Variants in POLA1 observed in about 807,000 individuals in gnomAD.
The protein encoded by POLA1 is DNA polymerase alpha 1, catalytic subunit.
In POLA1, 15 loss-of-function variants were observed where a neutral mutation model predicts 124.0. That is an observed-to-expected ratio of 0.12 (90% CI 0.08 to 0.19). POLA1 has a LOEUF of 0.19. Ranked by LOEUF, POLA1 falls within the 10% of genes least tolerant of loss-of-function variation. The pLI, the probability that POLA1 is intolerant of heterozygous loss-of-function variation, is 1.00. For synonymous variants in POLA1, 408 were observed against 389.4 expected, an observed-to-expected ratio of 1.05 and a Z score of -0.56; for missense variants, 886 against 1,103.4, an observed-to-expected ratio of 0.80 and a Z score of 2.79.
chrX:24,752,732 G>T (rs1466632711), intron 26 of POLA1, among the ~76,000 whole-genome samples: 10 of 111,884 alleles, frequency 8.9e-5, no homozygotes, highest in African/African-American at 3.2e-4. Context: ...AACTATTAAA[G>T]AAAAGCTAAA....
intron 26 of POLA1, among the ~76,000 whole-genome samples, chrX:24,805,368 G>A (rs1461014525): frequency 8.9e-6 from 1 of 111,905 alleles, no homozygotes; most frequent in Non-Finnish European, 1.9e-5. Flanking sequence ...CTGCTGCATT[G>A]CAAGAGAGCC....
At chrX:24,697,064 C>T (rs887747709) in intron 1 of POLA1, among the ~76,000 whole-genome samples, 1 of 111,476 alleles carries the variant, frequency 9.0e-6, no homozygotes, top group Middle Eastern at 4.6e-3. Context: ...TTCCTCAGTA[C>T]TGAGTTCTTA....
At chrX:24,734,020 A>G (rs1184024431) in intron 17 of POLA1, 6 of 301,053 alleles carry the variant, frequency 2.0e-5, no homozygotes, top group Non-Finnish European at 3.0e-5. Context: ...CTACCTGAAA[A>G]TAATGGGATT....
chrX:24,896,972 G>A (rs1397334409), intron 35 of POLA1, among the ~76,000 whole-genome samples: 1 of 111,966 alleles, frequency 8.9e-6, no homozygotes, highest in Non-Finnish European at 1.9e-5. Flanking sequence ...GTGCATTTGG[G>A]AGCTGTGTTG....
intron 36 of POLA1, among the ~76,000 whole-genome samples, chrX:24,960,138 C>A (rs1010171565): frequency 1.8e-5 from 2 of 111,639 alleles, no homozygotes; most frequent in African/African-American, 6.5e-5. Flanking sequence ...CAGCTTCCAA[C>A]TCCTGATCTA....
At chrX:24,781,165 T>G (rs1369902213) in intron 26 of POLA1, among the ~76,000 whole-genome samples, 1 of 111,745 alleles carries the variant, frequency 8.9e-6, no homozygotes, top group African/African-American at 3.3e-5. Context: ...AATTTGTGTC[T>G]TTTCTTTTTT....
chrX:24,707,261 T>C (rs1312361207), intron 4 of POLA1, among the ~76,000 whole-genome samples: 1 of 111,933 alleles, frequency 8.9e-6, no homozygotes, highest in African/African-American at 3.3e-5. Flanking sequence ...TGGACTTGAG[T>C]TTTTGTCAGC....
intron 35 of POLA1, among the ~76,000 whole-genome samples, chrX:24,923,075 A>G (rs1048593997): frequency 9.0e-6 from 1 of 111,496 alleles, no homozygotes; most frequent in African/African-American, 3.3e-5. Context: ...CCCATGGCCA[A>G]TATTTGGATA....
chrX:24,949,142 A>G (rs995265679), intron 36 of POLA1, among the ~76,000 whole-genome samples: 9 of 112,153 alleles, frequency 8.0e-5, no homozygotes, highest in Non-Finnish European at 1.7e-4. Flanking sequence ...CCACATGGGA[A>G]GAAGTATAGC....
At chrX:24,974,048 A>G (rs1414314951) in intron 36 of POLA1, among the ~76,000 whole-genome samples, 2 of 109,221 alleles carry the variant, frequency 1.8e-5, no homozygotes, top group African/African-American at 6.9e-5. Context: ...TCACTTATCA[A>G]TTAAATGACA....
chrX:24,748,723 CAGG>C, intron 25 of POLA1, 144 bp from the exon 26 acceptor site: 1 of 622,731 alleles, frequency 1.6e-6, no homozygotes, highest in Non-Finnish European at 2.4e-6. Context: ...ATCATGGATC[CAGG>C]AGAATGGGTT....
intron 35 of POLA1, among the ~76,000 whole-genome samples, chrX:24,891,954 T>C (rs1207469354): frequency 2.7e-5 from 3 of 111,353 alleles, no homozygotes; most frequent in Non-Finnish European, 5.6e-5. Flanking sequence ...GCCAGTCTTA[T>C]CTGCACATAA....
At chrX:24,921,903 T>G (rs1204552465) in intron 35 of POLA1, among the ~76,000 whole-genome samples, 2 of 110,703 alleles carry the variant, frequency 1.8e-5, no homozygotes, top group Non-Finnish European at 3.8e-5. Flanking sequence ...TGTGTGTGTG[T>G]GTGTGATGGG....
intron 36 of POLA1, among the ~76,000 whole-genome samples, chrX:24,978,507 T>C (rs1406984640): frequency 1.8e-5 from 2 of 112,152 alleles, no homozygotes; most frequent in East Asian, 5.6e-4. Context: ...AGTTTGCCAA[T>C]AGTAATAATT....
At chrX:24,974,627 G>T (rs1272223954) in intron 36 of POLA1, among the ~76,000 whole-genome samples, 1 of 102,810 alleles carries the variant, frequency 9.7e-6, no homozygotes, top group African/African-American at 3.6e-5. Flanking sequence ...CACAGGAATG[G>T]GAACATCACA....
chrX:24,857,810 G>C (rs970258975), intron 34 of POLA1, among the ~76,000 whole-genome samples: 1 of 111,011 alleles, frequency 9.0e-6, no homozygotes, highest in Non-Finnish European at 1.9e-5. Flanking sequence ...CTTTTGTATT[G>C]TAATTTTACT....
chrX:24,927,621 G>C (rs2047714436), intron 35 of POLA1, among the ~76,000 whole-genome samples: 2 of 112,271 alleles, frequency 1.8e-5, no homozygotes, highest in African/African-American at 6.5e-5. Context: ...GGTACATGAT[G>C]TTCTAACTAT....
chrX:24,899,996 C>T (rs1357559564), intron 35 of POLA1, among the ~76,000 whole-genome samples: 1 of 111,793 alleles, frequency 8.9e-6, no homozygotes, highest in African/African-American at 3.3e-5. Flanking sequence ...CCTTGGTTCA[C>T]CTGCTGATTG....
intron 34 of POLA1, among the ~76,000 whole-genome samples, chrX:24,885,756 C>T (rs2047057098): frequency 8.9e-6 from 1 of 111,861 alleles, no homozygotes; most frequent in African/African-American, 3.3e-5. Context: ...CATCTCCTGA[C>T]CTCGTGATCT....
Sources: gnomAD v4.1 joint callset for allele counts (sites outside exome capture counted in the v4.1 genomes callset) on GRCh38, gnomAD v4.1.1 for gene constraint, MANE v1.5 for transcripts, NCBI Gene and HGNC (gene_info 2026-07-23, HGNC 2026-07-21) for gene names.